TYW2: variants seen among roughly 807,000 people sequenced by gnomAD.
The protein encoded by TYW2 is tRNA wybutosine-synthesizing protein 2.
At chr8:124,452,560 T>A in the TYW2 span, 1 of 401,916 alleles carries the variant, frequency 2.5e-6, no homozygotes, top group South Asian at 4.6e-5. Context: ...GAAGTTTCAG[T>A]ATGTTTTGGC....
At chr8:124,450,834 C>T in the TYW2 span, 1 of 1,438,346 alleles carries the variant, frequency 7.0e-7, no homozygotes, top group Non-Finnish European at 9.4e-7. Context: ...CCGGCACCGG[C>T]ATGGCCGGGT....
At chr8:124,451,085 C>G in the TYW2 span, 1 of 1,614,144 alleles carries the variant, frequency 6.2e-7, no homozygotes, top group Non-Finnish European at 8.5e-7. Flanking sequence ...GAAAAGATGC[C>G]GGATGGCTCG....
the TYW2 span, chr8:124,452,411 G>A: frequency 3.7e-6 from 3 of 802,218 alleles, no homozygotes; most frequent in African/African-American, 5.2e-5. Context: ...GCAGGCTCTA[G>A]ATCAATTCAA....
chr8:124,451,157 G>A, the TYW2 span: 4 of 1,614,202 alleles, frequency 2.5e-6, no homozygotes, highest in Admixed American at 6.7e-5. Flanking sequence ...CTGAGGAATC[G>A]TGTTGCCCCA....
the TYW2 span, chr8:124,451,666 T>C: frequency 6.2e-7 from 1 of 1,614,244 alleles, no homozygotes; most frequent in Non-Finnish European, 8.5e-7. Flanking sequence ...AGGGATTGGT[T>C]ATTTTACATT....
the TYW2 span, chr8:124,452,122 G>A: frequency 6.2e-7 from 1 of 1,614,252 alleles, no homozygotes; most frequent in Non-Finnish European, 8.5e-7. Context: ...GGCAGAATCT[G>A]CAGAAACTCG....
chr8:124,452,346 G>C, the TYW2 span: 1 of 1,502,174 alleles, frequency 6.7e-7, no homozygotes, highest in Non-Finnish European at 9.0e-7. Context: ...AGTCCAGGTT[G>C]TCATCCCTTT....
chr8:124,451,861 C>G, the TYW2 span: 1 of 1,614,138 alleles, frequency 6.2e-7, no homozygotes, highest in Non-Finnish European at 8.5e-7. Flanking sequence ...GGGGCTGATT[C>G]CCAGCTCTGA....
the TYW2 span, chr8:124,452,330 C>T: frequency 6.5e-7 from 1 of 1,548,104 alleles, no homozygotes; most frequent in African/African-American, 1.4e-5. Context: ...TTAAATGTAT[C>T]AGTTCAGTCC....
At chr8:124,452,412 ATCAAT>A in the TYW2 span, 1 of 782,624 alleles carries the variant, frequency 1.3e-6, no homozygotes, top group South Asian at 2.1e-5. Flanking sequence ...CAGGCTCTAG[ATCAAT>A]TCAAATTATT....
the TYW2 span, chr8:124,450,929 TGAGA>T: frequency 6.2e-7 from 1 of 1,611,058 alleles, no homozygotes; most frequent in Non-Finnish European, 8.5e-7. Context: ...GCTGAGGTGA[TGAGA>T]GAGAATGTGG....
chr8:124,450,875 A>G, the TYW2 span: 1 of 1,553,186 alleles, frequency 6.4e-7, no homozygotes, highest in Non-Finnish European at 8.7e-7. Flanking sequence ...TAAGACCGGG[A>G]ATTTAGTCAG....
chr8:124,452,760 T>G, the TYW2 span: 1 of 170,080 alleles, frequency 5.9e-6, no homozygotes, highest in East Asian at 1.9e-4. Context: ...GTGAGGAGGC[T>G]TCTGTGGTTG....
chr8:124,452,576 G>A, the TYW2 span: 3 of 345,412 alleles, frequency 8.7e-6, no homozygotes, highest in Non-Finnish European at 1.1e-5. Context: ...TTGGCCTCGG[G>A]TTTCGTTATT....
chr8:124,452,024 T>C, the TYW2 span: 1 of 1,614,116 alleles, frequency 6.2e-7, no homozygotes, highest in Non-Finnish European at 8.5e-7. Flanking sequence ...CCTCAGCAAA[T>C]TACCACCAAC....
At chr8:124,451,056 T>G in the TYW2 span, 1 of 1,614,152 alleles carries the variant, frequency 6.2e-7, no homozygotes, top group Middle Eastern at 1.6e-4. Context: ...AGAAACTCTT[T>G]GATACACAGC....
the TYW2 span, chr8:124,451,714 G>A: frequency 6.2e-7 from 1 of 1,614,210 alleles, no homozygotes; most frequent in African/African-American, 1.3e-5. Flanking sequence ...CTTCGTCCAT[G>A]CTTGTGAGTG....
At chr8:124,452,890 T>G in the TYW2 span, 98 of 167,250 alleles carry the variant, frequency 5.9e-4, no homozygotes, top group African/African-American at 2.0e-3. Flanking sequence ...AACATGAAGC[T>G]GCTTTGTTAT....
the TYW2 span, chr8:124,452,275 A>G: frequency 2.5e-6 from 4 of 1,612,262 alleles, no homozygotes; most frequent in Non-Finnish European, 3.4e-6. Context: ...AGTTGGCTAG[A>G]GGAGGTAGAT....
Sources: gnomAD v4.1 joint callset for allele counts on GRCh38, gnomAD v4.1.1 for gene constraint, MANE v1.5 for transcripts, NCBI Gene and HGNC (gene_info 2026-07-23, HGNC 2026-07-21) for gene names.